Variants in EWSR1 observed in about 807,000 individuals in gnomAD.
The protein encoded by EWSR1 is EWS RNA binding protein 1, also known as RNA-binding protein EWS.
In EWSR1, 14 loss-of-function variants were observed where a neutral mutation model predicts 92.1. That is an observed-to-expected ratio of 0.15 (90% CI 0.10 to 0.24). The LOEUF (loss-of-function observed/expected upper bound fraction) is 0.24. Ranked by LOEUF, EWSR1 falls within the 10% of genes least tolerant of loss-of-function variation. EWSR1 has a pLI of 1.00. For synonymous variants in EWSR1, 303 were observed against 292.9 expected (o/e 1.03, Z -0.35); for missense variants, 637 against 870.9 (o/e 0.73, Z 3.38).
chr22:29,278,539 T>A (rs5752897), intron 5 of EWSR1, among the ~76,000 whole-genome samples: 151,739 of 151,792 alleles, frequency 1, 75,843 homozygotes, highest in Middle Eastern at 1. Context: ...AATGCAAAAA[T>A]ACCGGGGGGG....
intron 7 of EWSR1, among the ~76,000 whole-genome samples, chr22:29,288,215 A>C (rs1183125589): frequency 6.6e-6 from 1 of 152,196 alleles, no homozygotes; most frequent in African/African-American, 2.4e-5. Flanking sequence ...GTGTTGATTT[A>C]TGGAGCTCAG....
chr22:29,274,908 A>C lies in EWSR1; in HGVS notation c.226+1044A>C, dbSNP rs1569053314. 1.3e-5 allele frequency among the ~76,000 whole-genome samples: 2 copies of C among 152,318 alleles called. 1 individual carries two copies. Among genetic ancestry groups the C allele is most frequent in the South Asian group, 4.1e-4 (2 of 4,832 alleles). The stretch of plus-strand genomic sequence containing the variant: ...CCCCTGCCCTTTTATTATTGCTGTT[A>C]TAAAAGACTCTAATAAAGTCTTAAA... On this transcript the variant is annotated intron_variant, in intron 4 of 16. Transcript: ENST00000397938.
At chr22:29,291,805 T>C (rs1331371152) in intron 9 of EWSR1, 2 of 594,316 alleles carry the variant, frequency 3.4e-6, no homozygotes, top group Non-Finnish European at 5.8e-6. Context: ...ATTGAGTAAC[T>C]GCTTCTGTAA....
chr22:29,280,997 A>G (rs1024616605), intron 5 of EWSR1, among the ~76,000 whole-genome samples: 6 of 147,078 alleles, frequency 4.1e-5, no homozygotes, highest in African/African-American at 1.5e-4. Flanking sequence ...CTCCTACCTC[A>G]GCCTCCCAAG....
chr22:29,272,464 C>T (rs766835367), intron 3 of EWSR1, 33 bp downstream of exon 3: 1 of 1,595,322 alleles, frequency 6.3e-7, no homozygotes, highest in Admixed American at 1.7e-5. Context: ...GTAGCTGCAC[C>T]TCCAAGTAAA....
Position 29,291,556 on chromosome 22 carries a change from C to G in EWSR1, c.975-6C>G. 4.3e-6 allele frequency: 7 copies of G among 1,613,182 alleles called. No individual in the cohort carries two copies. Among genetic ancestry groups the G allele is most frequent in the Non-Finnish European group, 5.9e-6 (7 of 1,179,598 alleles). ...AAGGCCTTCATTTCTTCGTTTATCC[C>G]CCCAGCAGCGCTGGAGAGCGAGGTG... is the stretch of plus-strand genomic sequence containing the variant. On this transcript the variant is annotated splice_region_variant and splice_polypyrimidine_tract_variant and intron_variant, in intron 8 of 16. Transcript: ENST00000397938.
chr22:29,288,800 T>C lies in EWSR1; in HGVS notation c.974+14T>C, dbSNP rs1490506705. On this transcript the variant is annotated intron_variant, in intron 8 of 16. Coordinates refer to ENST00000397938, the MANE Select transcript of EWSR1 (RefSeq NM_005243.4). ...CGGTGGAATGGGGTAAGAGCAAACC[T>C]TTTCTCCTTTTACCTAATTTTGTTT... 1 of 1,566,006 alleles carries C rather than the reference T, an allele frequency of 6.4e-7. No individual in the cohort carries two copies. The highest frequency in any genetic ancestry group is 1.9e-5 in the Admixed American group (1 of 52,480).
chr22:29,295,130 A>G (rs2060752059), intron 11 of EWSR1, among the ~76,000 whole-genome samples: 1 of 151,438 alleles, frequency 6.6e-6, no homozygotes, highest in Admixed American at 6.6e-5. Flanking sequence ...CAGTGGCACA[A>G]TTTCAGCTCA....
At chr22:29,295,720 T>A in intron 11 of EWSR1, 1 of 217,866 alleles carries the variant, frequency 4.6e-6, no homozygotes, top group Non-Finnish European at 8.8e-6. Flanking sequence ...AGGTAGCTCC[T>A]GAATTCAAGT....
In EWSR1 at chr22:29,299,135, C is replaced by T. The variant is rs1265844209; in HGVS notation, c.1581-99C>T. 8 of 1,601,936 alleles carry T rather than the reference C, an allele frequency of 5.0e-6. No homozygotes were observed. The African/African-American group carries it at 1.1e-4, about 21-fold the overall frequency. ...CCCTAAAGCATGGGTGTACATAGAT[C>T]CTCTTGATAGTGAGTGTGTACCTGT... is the stretch of plus-strand genomic sequence containing the variant. On this transcript the variant is annotated intron_variant, in intron 14 of 16. Coordinates refer to ENST00000397938, the MANE Select transcript of EWSR1 (RefSeq NM_005243.4).
Position 29,287,078 on chromosome 22 carries a change from C to T in EWSR1, c.737C>T (p.Ser246Phe). The T allele has an allele frequency of 6.2e-7, 1 of 1,614,068 alleles. No homozygotes were observed. The highest frequency in any genetic ancestry group is 2.2e-5 in the East Asian group (1 of 44,892). The change falls in exon 7 of 17, where the codon TCC (serine) becomes TTC (phenylalanine). Residue 246 changes from serine (S) to phenylalanine (F), a missense_variant. Physicochemically the swap from Ser to Phe is radical, Grantham distance 155. This residue lies in a region of EWSR1 where 116 missense variants were observed against 167.8 expected (regional missense o/e 0.69). Coordinates refer to ENST00000397938, the MANE Select transcript of EWSR1 (RefSeq NM_005243.4). ...ACTAGTTACCCACCCCAAACTGGAT[C>T]CTACAGCCAAGCTCCAAGTCAATAT... ...PPTSYPPQTGSYSQAPSQYSQ... is the reference protein window; with the variant it reads ...PPTSYPPQTGFYSQAPSQYSQ...
At chr22:29,274,153 C>A in intron 4 of EWSR1, 2 of 1,168,674 alleles carry the variant, frequency 1.7e-6, no homozygotes, top group Non-Finnish European at 1.3e-6. Flanking sequence ...AATGCTAATA[C>A]TGAGTAAGAA....
intron 6 of EWSR1, among the ~76,000 whole-genome samples, chr22:29,283,381 A>T (rs898192167): frequency 3.9e-5 from 6 of 152,138 alleles, no homozygotes; most frequent in African/African-American, 7.2e-5. Context: ...TTTGAGACAG[A>T]GTCTCACTCT....
intron 1 of EWSR1, chr22:29,269,737 T>TA (rs1239722508): frequency 2.0e-5 from 3 of 152,124 alleles, no homozygotes; most frequent in Non-Finnish European, 2.9e-5. Context: ...AGGACTGAAA[T>TA]ACCACAGCTA....
intron 8 of EWSR1, 36 bp downstream of exon 8, chr22:29,288,822 G>C: frequency 1.3e-6 from 2 of 1,514,826 alleles, no homozygotes; most frequent in Non-Finnish European, 1.8e-6. Context: ...ACCTAATTTT[G>C]TTTCATCCAT....
At chr22:29,271,971 A>G (rs999273919) in intron 1 of EWSR1, among the ~76,000 whole-genome samples, 1 of 152,198 alleles carries the variant, frequency 6.6e-6, no homozygotes, top group Non-Finnish European at 1.5e-5. Context: ...CATAAAAAGT[A>G]TACCTGCCAA....
chr22:29,290,914 TTATTCTAACTGATATGTC>T, intron 8 of EWSR1: 1 of 243,020 alleles, frequency 4.1e-6, no homozygotes, highest in Non-Finnish European at 8.0e-6. Flanking sequence ...GCCATAGTCA[TTATTCTAACTGATATGTC>T]TATAAAGTTG....
Position 29,296,299 on chromosome 22 carries a change from C to T in EWSR1, c.1225C>T (p.Pro409Ser), listed in dbSNP as rs767038055. Reference sequence around the variant, plus strand: ...CTACCTGGACAAGGAAACAGGAAAGCCCAAAGGCGATGCCACAGTGTCCTA... The same window carrying T: ...CTACCTGGACAAGGAAACAGGAAAGTCCAAAGGCGATGCCACAGTGTCCTA... ...HIYLDKETGK[P>S]KGDATVSYED... Residue 409 changes from proline to serine, a missense_variant, in exon 12 of 17, where the codon CCC (proline) becomes TCC (serine). By Grantham distance (74) the Pro-to-Ser change is moderately conservative (BLOSUM62 -1). Around this residue, in one of 5 missense-constraint regions of EWSR1, gnomAD observed 363 missense variants for 447.8 expected, o/e 0.81. Coordinates refer to ENST00000397938, the MANE Select transcript of EWSR1 (RefSeq NM_005243.4). The T allele has an allele frequency of 6.8e-6, 11 of 1,614,156 alleles. No homozygotes were observed. The highest frequency in any genetic ancestry group is 9.3e-6 in the Non-Finnish European group (11 of 1,179,988).
chr22:29,274,765 AT>A (rs2058969298), intron 4 of EWSR1, among the ~76,000 whole-genome samples: 1 of 152,246 alleles, frequency 6.6e-6, no homozygotes, highest in Admixed American at 6.5e-5. Context: ...ATACTAAAAA[AT>A]AAACTATTCT....
Sources: allele counts gnomAD v4.1 joint callset (sites outside exome capture counted in the v4.1 genomes callset), GRCh38; gene constraint gnomAD v4.1.1; regional missense constraint gnomAD v4.1.1; transcripts MANE v1.5; gene names NCBI Gene and HGNC (gene_info 2026-07-23, HGNC 2026-07-21).